Variants in CFAP54 observed in about 807,000 individuals in gnomAD.
The protein encoded by CFAP54 is cilia- and flagella-associated protein 54.
In CFAP54, 290 loss-of-function variants were observed where a neutral mutation model predicts 370.4. The observed-to-expected ratio is 0.78, with a 90% CI of 0.71 to 0.86. The LOEUF (loss-of-function observed/expected upper bound fraction) is 0.86. Among genes scored for constraint, CFAP54 ranks in the 40% least tolerant of loss-of-function variants. The pLI, the probability that CFAP54 is intolerant of heterozygous loss-of-function variation, is 0.00. For missense variants in CFAP54, 3,399 were observed against 3,528.7 expected, an observed-to-expected ratio of 0.96 and a Z score of 0.93; for synonymous variants, 1,206 against 1,236.5, an observed-to-expected ratio of 0.98 and a Z score of 0.52.
At chr12:96,541,491 G>T (rs1236314485) in intron 14 of CFAP54, among the ~76,000 whole-genome samples, 2 of 152,102 alleles carry the variant, frequency 1.3e-5, no homozygotes, top group East Asian at 1.9e-4. Flanking sequence ...TCACCATATT[G>T]ACCACACTGC....
chr12:96,647,061 C>G (rs1956802393), intron 33 of CFAP54: 1 of 151,856 alleles, frequency 6.6e-6, no homozygotes, highest in Non-Finnish European at 1.5e-5. Context: ...ATGTAACAAA[C>G]CTGCACATTG....
chr12:96,491,529 G>A (rs1323329091), intron 1 of CFAP54, among the ~76,000 whole-genome samples: 1 of 152,164 alleles, frequency 6.6e-6, no homozygotes, highest in African/African-American at 2.4e-5. Flanking sequence ...CAAGGATTGA[G>A]CCCTGGGATG....
At chr12:96,792,280 A>G in intron 62 of CFAP54, 49 bp from the exon 63 acceptor site, 5 of 1,407,532 alleles carry the variant, frequency 3.6e-6, no homozygotes, top group African/African-American at 1.5e-5. Context: ...TCATATATGT[A>G]ACAAATTTAT....
At chr12:96,534,324 A>G in intron 11 of CFAP54, 97 bp downstream of exon 11, 1 of 703,742 alleles carries the variant, frequency 1.4e-6, no homozygotes, top group South Asian at 2.1e-5. Context: ...GGAGGGAGCA[A>G]GAGGTACAAA....
chr12:96,512,860 A>G (rs1026593704), intron 4 of CFAP54, 126 bp from the exon 5 acceptor site: 1 of 470,236 alleles, frequency 2.1e-6, no homozygotes, highest in South Asian at 4.8e-5. Flanking sequence ...AACTCTATAT[A>G]CCATTATCAG....
intron 50 of CFAP54, among the ~76,000 whole-genome samples, chr12:96,737,211 A>G (rs1468620562): frequency 6.6e-6 from 1 of 152,146 alleles, no homozygotes; most frequent in Non-Finnish European, 1.5e-5. Flanking sequence ...GTCAGCACTC[A>G]AAAAGCTTTA....
At chr12:96,686,021 G>A (rs1164154566) in intron 42 of CFAP54, among the ~76,000 whole-genome samples, 3 of 152,144 alleles carry the variant, frequency 2.0e-5, no homozygotes, top group African/African-American at 7.2e-5. Context: ...CTAAGCCAAG[G>A]TGGTAAAAAT....
Position 96,742,603 on chromosome 12 carries a change from A to C in CFAP54, c.7219+17A>C. 1 of 1,600,890 alleles carries C rather than the reference A, an allele frequency of 6.2e-7. No homozygotes were observed. Among genetic ancestry groups the C allele is most frequent in the Non-Finnish European group, 8.5e-7 (1 of 1,174,040 alleles). On this transcript the variant is annotated intron_variant, in intron 52 of 67. Transcript: ENST00000524981. ...TTGTGAAAGGTACAAACATTTGCTT[A>C]ATCAATGTTTTCATAAAAATTAATT...
chr12:96,732,494 A>T (rs1189354093), intron 50 of CFAP54, among the ~76,000 whole-genome samples: 4 of 152,090 alleles, frequency 2.6e-5, no homozygotes, highest in South Asian at 2.1e-4. Flanking sequence ...CTTCTCATGA[A>T]TTTTTTTGAA....
intron 26 of CFAP54, among the ~76,000 whole-genome samples, chr12:96,610,273 T>C (rs993410950): frequency 2.0e-5 from 3 of 152,244 alleles, no homozygotes; most frequent in Non-Finnish European, 4.4e-5. Flanking sequence ...CATCTGAAAG[T>C]AAACAAAGCC....
chr12:96,826,989 GC>G lies in CFAP54; in HGVS notation c.9097-2024del, dbSNP rs1255530518. Among the ~76,000 whole-genome samples, 9 of 136,044 alleles carry G rather than the reference GC, an allele frequency of 6.6e-5. 1 individual carries two copies. The highest frequency in any genetic ancestry group is 1.6e-4 in the African/African-American group (6 of 37,098). The allele number at this position is 136,044 out of a possible 152,430, so 89.3% of individuals were successfully genotyped here. ...AATTATATATGATTATATATAATAT[GC>G]AATTATATATGATTAATTATAATAT... On this transcript the variant is annotated intron_variant, in intron 65 of 67. Transcript: ENST00000524981.
chr12:96,790,460 T>C (rs1958678658), intron 62 of CFAP54, among the ~76,000 whole-genome samples: 1 of 152,204 alleles, frequency 6.6e-6, no homozygotes, highest in Non-Finnish European at 1.5e-5. Flanking sequence ...AATACCTATT[T>C]TGATATTGAC....
At chr12:96,704,504 A>G (rs1231479951) in intron 46 of CFAP54, among the ~76,000 whole-genome samples, 4 of 131,708 alleles carry the variant, frequency 3.0e-5, no homozygotes, top group Non-Finnish European at 4.9e-5. Context: ...ATATATATTT[A>G]AAATACATCA....
Position 96,809,966 on chromosome 12 carries a change from G to A in CFAP54, c.8851-1770G>A, listed in dbSNP as rs148273368. On this transcript the variant is annotated intron_variant, in intron 63 of 67. Coordinates refer to ENST00000524981, the MANE Select transcript of CFAP54 (RefSeq NM_001306084.2). The stretch of plus-strand genomic sequence containing the variant: ...AATGTTTTTAGTAAAGCACCTGAGC[G>A]TTGTACCTAACGTCCCTTAGCATAG... 2.6e-4 allele frequency among the ~76,000 whole-genome samples: 39 copies of A among 152,218 alleles called. No individual in the cohort carries two copies. The East Asian group carries it at 4.3e-3, about 17-fold the overall frequency.
intron 6 of CFAP54, among the ~76,000 whole-genome samples, chr12:96,520,424 G>A (rs900533646): frequency 6.6e-6 from 1 of 151,986 alleles, no homozygotes; most frequent in East Asian, 1.9e-4. Flanking sequence ...TGCACCTGTA[G>A]TCCCAGCTAC....
chr12:96,690,539 G>C (rs1957377408), intron 43 of CFAP54, among the ~76,000 whole-genome samples: 1 of 152,122 alleles, frequency 6.6e-6, no homozygotes, highest in African/African-American at 2.4e-5. Flanking sequence ...TTTCATTTAA[G>C]CAGGTAAAAG....
intron 67 of CFAP54, among the ~76,000 whole-genome samples, chr12:96,865,277 TAACTA>T (rs1245497289): frequency 1.3e-5 from 2 of 152,116 alleles, no homozygotes; most frequent in African/African-American, 4.8e-5. Flanking sequence ...AAATAATGAA[TAACTA>T]AACAACATTC....
At position 96,518,845 on chromosome 12, in the gene CFAP54, A is replaced by G. The variant is rs573328007; in HGVS notation, c.799-83A>G. The G allele has an allele frequency of 1.2e-5, 15 of 1,260,780 alleles. No homozygotes were observed. In the East Asian group the frequency reaches 4.1e-4, roughly 34 times the overall value. 78.1% of individuals were successfully genotyped at this position (1,260,780 alleles called of 1,614,324 possible). On this transcript the variant is annotated intron_variant, in intron 5 of 67. Coordinates refer to ENST00000524981, the MANE Select transcript of CFAP54 (RefSeq NM_001306084.2). ...GAGTAATCAGCAACTTGTGCTCACAACTTAGAATTTGATTATATTTAATAC... is the reference window on the plus strand; with the variant it reads ...GAGTAATCAGCAACTTGTGCTCACAGCTTAGAATTTGATTATATTTAATAC...
rs1410027031 is a variant in CFAP54 at position 96,625,585 on chromosome 12, C to T, written c.3887-133C>T. ...TAATGCTATAATTGCTATTTTAAGG[C>T]ACATAATTTAGAATAAATAGTATTT... On this transcript the variant is annotated intron_variant, in intron 28 of 67. Transcript: ENST00000524981. 6.0e-6 allele frequency: 3 copies of T among 503,602 alleles called. No individual in the cohort carries two copies. In the East Asian group the frequency reaches 9.8e-5, roughly 17 times the overall value. The allele number at this position is 503,602 out of a possible 1,614,324, so 31.2% of individuals were successfully genotyped here.
Sources: allele counts gnomAD v4.1 joint callset (sites outside exome capture counted in the v4.1 genomes callset), GRCh38; gene constraint gnomAD v4.1.1; transcripts MANE v1.5; gene names NCBI Gene and HGNC (gene_info 2026-07-23, HGNC 2026-07-21).